CT55: variants seen among roughly 807,000 people sequenced by gnomAD.
CT55 encodes BRCA2-interacting protein.
Under a neutral mutation model 12.6 loss-of-function variants are expected in CT55, and 1 was observed. The observed-to-expected ratio is 0.08, with a 90% confidence interval of 0.03 to 0.38. The LOEUF (loss-of-function observed/expected upper bound fraction) is 0.38, where lower values mean the gene tolerates loss of function less well. Ranked by LOEUF, CT55 falls within the 10% of genes least tolerant of loss-of-function variation. CT55 has a pLI of 0.99. For missense variants in CT55, 109 were observed against 135.4 expected, an observed-to-expected ratio of 0.80 and a Z score of 0.97; for synonymous variants, 43 against 49.7, an observed-to-expected ratio of 0.87 and a Z score of 0.57.
intron 3 of CT55, 123 bp downstream of exon 3, chrX:135,160,288 A>G: frequency 1.5e-6 from 1 of 683,932 alleles, no homozygotes; most frequent in East Asian, 3.8e-5. Context: ...CGATTGGAAC[A>G]GTCTACCTCT....
chrX:135,159,227 C>A (rs1363038874), intron 3 of CT55, among the ~76,000 whole-genome samples: 1 of 110,798 alleles, frequency 9.0e-6, no homozygotes, highest in Non-Finnish European at 1.9e-5. Flanking sequence ...CTCTCTCTCT[C>A]TCTCTCTCTC....
chrX:135,171,379 C>G lies in CT55; in HGVS notation c.-208G>C. On this transcript the variant is annotated 5_prime_UTR_variant, in exon 1 of 6. Coordinates refer to ENST00000276241, the MANE Select transcript of CT55 (RefSeq NM_001031705.3). The stretch of plus-strand genomic sequence containing the variant: ...CAGCCTCCAAAGGAGCTCCCAGCTT[C>G]TCCGCTGACTTCTCCCTCTGAGCAT... The G allele has an allele frequency of 1.5e-6, 1 of 686,807 alleles. No homozygotes were observed. Among genetic ancestry groups the G allele is most frequent in the South Asian group, 3.9e-5 (1 of 25,578 alleles). The allele number at this position is 686,807 out of a possible 1,213,427, so 56.6% of individuals were successfully genotyped here.
rs375438569 is a variant in CT55, at chrX:135,169,675, G to T, written c.198C>A (p.Gly66=). 1.5e-5 allele frequency: 18 copies of T among 1,204,502 alleles called. No homozygotes were observed. The highest frequency in any genetic ancestry group is 2.0e-5 in the Non-Finnish European group (18 of 891,267). ...SIYFSSDVVT[G]NVPLKVGQKV... is the part of the protein sequence containing the mutation. ...TTTGTCCAACTTTTAGAGGCACGTT[G>T]CCAGTCACAACATCACTACTGAAGT... Residue 66 remains glycine, a synonymous_variant, in exon 2 of 6, where the codon GGC becomes GGA. Transcript: ENST00000276241.
chrX:135,160,619 A>G, intron 2 of CT55, 64 bp from the exon 3 acceptor site: 1 of 1,093,440 alleles, frequency 9.1e-7, no homozygotes, highest in Non-Finnish European at 1.2e-6. Context: ...AACTTACATG[A>G]TTAAAAGACT....
chrX:135,166,391 T>C (rs1169929269), intron 2 of CT55, among the ~76,000 whole-genome samples: 1 of 111,559 alleles, frequency 9.0e-6, no homozygotes, highest in Non-Finnish European at 1.9e-5. Context: ...GGAAAAGCAT[T>C]TGATTGAATT....
At chrX:135,159,798 G>A (rs2083554627) in intron 3 of CT55, among the ~76,000 whole-genome samples, 1 of 111,473 alleles carries the variant, frequency 9.0e-6, no homozygotes, top group African/African-American at 3.3e-5. Context: ...TGGGGAAGCG[G>A]AGCTAATCTC....
Position 135,171,395 on chromosome X carries a change from C to T in CT55, c.-224G>A, listed in dbSNP as rs1189414126. On this transcript the variant is annotated 5_prime_UTR_variant, in exon 1 of 6. Coordinates refer to ENST00000276241, the MANE Select transcript of CT55 (RefSeq NM_001031705.3). ...TCCCAGCTTCTCCGCTGACTTCTCC[C>T]TCTGAGCATGCGCTCGTCAGGGCCC... The T allele has an allele frequency of 1.6e-6, 1 of 611,412 alleles. No individual in the cohort carries two copies. Among genetic ancestry groups the T allele is most frequent in the Non-Finnish European group, 2.3e-6 (1 of 429,207 alleles). The allele number at this position is 611,412 out of a possible 1,213,427, so 50.4% of individuals were successfully genotyped here.
Position 135,159,207 on chromosome X carries a change from T to TTCTC in CT55, c.425-900_425-897dup, listed in dbSNP as rs60230637. 3.5e-3 allele frequency among the ~76,000 whole-genome samples: 355 copies of TTCTC among 100,590 alleles called. 1 individual carries two copies. The highest frequency in any genetic ancestry group is 6.0e-3 in the East Asian group (19 of 3,170). 87.4% of individuals were successfully genotyped at this position (100,590 alleles called of 115,157 possible). ...GACATAAGACACTGTGTTAGACCTGTTCTCTCTCTCTCTCTCTCTCTCTCT... is the reference window on the plus strand; with the variant it reads ...GACATAAGACACTGTGTTAGACCTGTTCTCTCTCTCTCTCTCTCTCTCTCTCTCT... On this transcript the variant is annotated intron_variant, in intron 3 of 5. Transcript: ENST00000276241.
chrX:135,168,858 T>C (rs1432882960), intron 2 of CT55, among the ~76,000 whole-genome samples: 14 of 112,242 alleles, frequency 1.2e-4, no homozygotes, highest in Non-Finnish European at 2.1e-4. Flanking sequence ...TTTCCTACCA[T>C]AGAGATAGCC....
intron 3 of CT55, among the ~76,000 whole-genome samples, chrX:135,159,611 A>T (rs1331269050): frequency 1.8e-5 from 2 of 111,307 alleles, no homozygotes; most frequent in Non-Finnish European, 3.8e-5. Flanking sequence ...CTCCATTTTC[A>T]TTCACATCTC....
At position 135,158,258 on chromosome X, in the gene CT55, C is replaced by G. The variant is rs782274660; in HGVS notation, c.478G>C (p.Gly160Arg). Residue 160 changes from glycine (G) to arginine (R), a missense_variant, in exon 4 of 6, where the codon GGC becomes CGC. Transcript: ENST00000276241. ...LLEVEYSTEPGISNIKATSVK... is the reference protein window; with the variant it reads ...LLEVEYSTEPRISNIKATSVK... ...GAAGTTGCCTTGATGTTTGAGATGC[C>G]TGGCTCAGTGGAATATTCAACTTCT... 11 of 1,207,807 alleles carry G rather than the reference C, an allele frequency of 9.1e-6. No homozygotes were observed. In the East Asian group the frequency reaches 3.3e-4, roughly 36 times the overall value.
intron 2 of CT55, among the ~76,000 whole-genome samples, chrX:135,165,406 G>A (rs781896545): frequency 4.5e-5 from 5 of 111,425 alleles, no homozygotes; most frequent in African/African-American, 1.6e-4. Flanking sequence ...CACAACATAC[G>A]AAAACCCATG....
chrX:135,161,347 C>A (rs1350316049), intron 2 of CT55, among the ~76,000 whole-genome samples: 1 of 111,692 alleles, frequency 9.0e-6, no homozygotes, highest in Non-Finnish European at 1.9e-5. Flanking sequence ...AAAGCAGTTA[C>A]CCCACAATCC....
intron 4 of CT55, 69 bp downstream of exon 4, chrX:135,158,130 G>T: frequency 1.6e-6 from 1 of 625,046 alleles, no homozygotes; most frequent in African/African-American, 2.2e-5. Flanking sequence ...CAGAATCCTG[G>T]TCACGTAAAT....
At chrX:135,161,180 A>G (rs1272556178) in intron 2 of CT55, among the ~76,000 whole-genome samples, 1 of 111,210 alleles carries the variant, frequency 9.0e-6, no homozygotes, top group Non-Finnish European at 1.9e-5. Context: ...AAACCAAGTC[A>G]AATTAGGGCT....
At chrX:135,160,930 C>A (rs1339613850) in intron 2 of CT55, among the ~76,000 whole-genome samples, 1 of 111,356 alleles carries the variant, frequency 9.0e-6, no homozygotes, top group Admixed American at 9.6e-5. Flanking sequence ...AAGATGGTTT[C>A]TGTGAATTAT....
rs2083546729 is a variant in CT55 at position 135,158,389 on chromosome X, T to C, written c.425-78A>G. Reference sequence around the variant, plus strand: ...TTTAATTTCACATGTTATTTGATAGTGTACTACTTTAAAGTCAGTTCTGCT... The same window carrying C: ...TTTAATTTCACATGTTATTTGATAGCGTACTACTTTAAAGTCAGTTCTGCT... On this transcript the variant is annotated intron_variant, in intron 3 of 5. Transcript: ENST00000276241. 6.8e-6 allele frequency: 4 copies of C among 585,648 alleles called. No individual in the cohort carries two copies. In the South Asian group the frequency reaches 9.1e-5, roughly 13 times the overall value. 48.3% of individuals were successfully genotyped at this position (585,648 alleles called of 1,213,427 possible).
At position 135,159,207 on chromosome X, in the gene CT55, TTCTCTCTCTC is replaced by T. The variant is rs60230637; in HGVS notation, c.425-906_425-897del. On this transcript the variant is annotated intron_variant, in intron 3 of 5. Transcript: ENST00000276241. ...GACATAAGACACTGTGTTAGACCTG[TTCTCTCTCTC>T]TCTCTCTCTCTCTCTCTCTCTCTCT... Among the ~76,000 whole-genome samples the T allele has an allele frequency of 1.4e-3, 139 of 100,583 alleles. No individual in the cohort carries two copies. In the Middle Eastern group the frequency reaches 0.021, roughly 15 times the overall value. 87.3% of individuals were successfully genotyped at this position (100,583 alleles called of 115,157 possible).
chrX:135,165,048 A>C (rs1420805004), intron 2 of CT55, among the ~76,000 whole-genome samples: 1 of 112,230 alleles, frequency 8.9e-6, no homozygotes, highest in African/African-American at 3.2e-5. Context: ...CCCCACAAAA[A>C]GTGGGATTTA....
Sources: gnomAD v4.1 joint callset for allele counts (sites outside exome capture counted in the v4.1 genomes callset) on GRCh38, gnomAD v4.1.1 for gene constraint, MANE v1.5 for transcripts, NCBI Gene and HGNC (gene_info 2026-07-23, HGNC 2026-07-21) for gene names.